Variants in ZFAT observed in about 807,000 individuals in gnomAD.
ZFAT encodes the protein zinc finger protein ZFAT.
Under a neutral mutation model 117.7 loss-of-function variants are expected in ZFAT, and 64 were observed. That is an observed-to-expected ratio of 0.54 (90% confidence interval 0.44 to 0.67). The LOEUF is 0.67. ZFAT is among the 30% of genes least tolerant of loss of function. The probability of loss-of-function intolerance (pLI) is 0.00; values close to 1 mark genes in which losing one functional copy is unlikely to be tolerated. For missense variants in ZFAT, 1,433 were observed against 1,584.5 expected, an observed-to-expected ratio of 0.90 and a Z score of 1.62; for synonymous variants, 679 against 615.0, an observed-to-expected ratio of 1.10 and a Z score of -1.54.
chr8:134,706,218 A>G (rs1834148922), intron 1 of ZFAT, among the ~76,000 whole-genome samples: 1 of 152,254 alleles, frequency 6.6e-6, no homozygotes, highest in South Asian at 2.1e-4. Context: ...GTACGGGAAC[A>G]TTCACTGCAG....
intron 1 of ZFAT, among the ~76,000 whole-genome samples, chr8:134,682,353 G>A (rs1215051735): frequency 6.6e-6 from 1 of 152,192 alleles, no homozygotes; most frequent in African/African-American, 2.4e-5. Context: ...CCTGATCTTA[G>A]AGATGCTAAA....
chr8:134,591,483 G>C (rs539188693), intron 7 of ZFAT, among the ~76,000 whole-genome samples: 50 of 152,316 alleles, frequency 3.3e-4, no homozygotes, highest in Non-Finnish European at 4.1e-4. Context: ...TCACTTGAGG[G>C]CGATTTCATA....
chr8:134,719,908 AACT>A, the ZFAT span, among the ~76,000 whole-genome samples: 1 of 152,198 alleles, frequency 6.6e-6, no homozygotes, highest in African/African-American at 2.4e-5. Context: ...GCCCCCAATG[AACT>A]ATGCCTCCTT....
chr8:134,617,697 G>C (rs1269409388), intron 3 of ZFAT, among the ~76,000 whole-genome samples: 2 of 152,200 alleles, frequency 1.3e-5, no homozygotes, highest in Non-Finnish European at 2.9e-5. Flanking sequence ...CTACAAAACA[G>C]ACAGTTTGTA....
chr8:134,654,696 C>T (rs748569951), intron 2 of ZFAT, among the ~76,000 whole-genome samples: 14 of 152,024 alleles, frequency 9.2e-5, no homozygotes, highest in African/African-American at 1.2e-4. Flanking sequence ...ACAGCTGGGA[C>T]GGAGGGAGGG....
chr8:134,766,645 G>A, the ZFAT span: 3 of 152,210 alleles, frequency 2.0e-5, no homozygotes, highest in Non-Finnish European at 2.9e-5. Flanking sequence ...GCAGACATGT[G>A]TGGTGCTGTA....
At chr8:134,704,907 CA>C (rs1364309048) in intron 1 of ZFAT, among the ~76,000 whole-genome samples, 1 of 146,634 alleles carries the variant, frequency 6.8e-6, no homozygotes, top group Non-Finnish European at 1.5e-5. Flanking sequence ...AAAAAAAAAA[CA>C]AAAAAACTTA....
In ZFAT at chr8:134,602,523, T is replaced by C. The variant is rs1376676854; in HGVS notation, c.1196A>G (p.Lys399Arg). The part of the protein sequence containing the change: ...DELCLMTREG[K>R]RQLLYDCHIC... ...GTGGCAGTCATAGAGCAGCTGCCGC[T>C]TGCCCTCCCTCGTCATCAGGCAGAG... is the stretch of plus-strand genomic sequence containing the variant. Residue 399 changes from lysine to arginine, a missense_variant, in exon 6 of 16, where the codon AAG (lysine) becomes AGG (arginine). Physicochemically the swap from Lys to Arg is conservative, Grantham distance 26 (BLOSUM62 2). Transcript: ENST00000377838. 6.2e-7 allele frequency: 1 copy of C among 1,613,886 alleles called. No individual in the cohort carries two copies. Among genetic ancestry groups the C allele is most frequent in the Non-Finnish European group, 8.5e-7 (1 of 1,180,044 alleles).
chr8:134,827,134 C>T, the ZFAT span, among the ~76,000 whole-genome samples: 2 of 152,220 alleles, frequency 1.3e-5, no homozygotes, highest in South Asian at 4.1e-4. Flanking sequence ...TCACTGCAGC[C>T]TCAACCTCCT....
At chr8:134,767,944 G>A in the ZFAT span, among the ~76,000 whole-genome samples, 1 of 151,600 alleles carries the variant, frequency 6.6e-6, no homozygotes, top group Non-Finnish European at 1.5e-5. Context: ...CCTTCCTCTG[G>A]GACTCCAGTT....
chr8:134,575,996 T>C (rs935056327), intron 10 of ZFAT, among the ~76,000 whole-genome samples: 1 of 152,110 alleles, frequency 6.6e-6, no homozygotes, highest in African/African-American at 2.4e-5. Context: ...TACATCAGTT[T>C]TGATATAAGG....
At chr8:134,655,775 T>C (rs1586901379) in intron 2 of ZFAT, among the ~76,000 whole-genome samples, 1 of 152,326 alleles carries the variant, frequency 6.6e-6, no homozygotes, top group Non-Finnish European at 1.5e-5. Context: ...TCTTTCCACC[T>C]TGATCCACAT....
intron 6 of ZFAT, 142 bp from the exon 7 acceptor site, chr8:134,600,810 T>A: frequency 1.4e-6 from 1 of 694,934 alleles, no homozygotes; most frequent in Non-Finnish European, 2.2e-6. Flanking sequence ...TTCACCACAT[T>A]TCTGTCTGAA....
chr8:134,638,549 C>CAAAAAAAAAAAAAAAAAAAAAAA (rs758050176), intron 2 of ZFAT, among the ~76,000 whole-genome samples: 10 of 101,132 alleles, frequency 9.9e-5, no homozygotes, highest in African/African-American at 3.3e-4. Context: ...ACTAAAAATA[C>CAAAAAAAAAAAAAAAAAAAAAAA]AAAAAAAAAA....
intron 3 of ZFAT, among the ~76,000 whole-genome samples, chr8:134,630,665 G>C (rs1829824205): frequency 6.6e-6 from 1 of 152,096 alleles, no homozygotes; most frequent in Non-Finnish European, 1.5e-5. Context: ...GATTTCTGTA[G>C]GCTGCAAAAC....
chr8:134,491,513 T>G (rs1183330123), intron 15 of ZFAT, among the ~76,000 whole-genome samples: 4 of 152,256 alleles, frequency 2.6e-5, no homozygotes, highest in Non-Finnish European at 5.9e-5. Context: ...GAAATGGGTC[T>G]CACTGAGCTA....
the ZFAT span, among the ~76,000 whole-genome samples, chr8:134,739,108 T>G: frequency 6.6e-6 from 1 of 152,200 alleles, no homozygotes; most frequent in Non-Finnish European, 1.5e-5. Context: ...TGTGAATCCA[T>G]CTGGGGCCGT....
At chr8:134,763,671 T>C in the ZFAT span, among the ~76,000 whole-genome samples, 5 of 152,224 alleles carry the variant, frequency 3.3e-5, no homozygotes, top group Non-Finnish European at 7.3e-5. Flanking sequence ...CCTAGAACAG[T>C]GCCTGGCCCA....
the ZFAT span, among the ~76,000 whole-genome samples, chr8:134,822,075 G>T: frequency 3.3e-5 from 5 of 152,162 alleles, no homozygotes; most frequent in South Asian, 1.0e-3. Context: ...ATTTATTCTA[G>T]AATTTATTTT....
Sources: allele counts gnomAD v4.1 joint callset (sites outside exome capture counted in the v4.1 genomes callset), GRCh38; gene constraint gnomAD v4.1.1; transcripts MANE v1.5; gene names NCBI Gene and HGNC (gene_info 2026-07-23, HGNC 2026-07-21).